Variants in NPEPPS observed in about 807,000 individuals in gnomAD.
The protein encoded by NPEPPS is puromycin-sensitive aminopeptidase.
A neutral mutation model predicts 115.5 loss-of-function variants in NPEPPS; 14 were observed. That is an observed-to-expected ratio of 0.12 (90% confidence interval 0.08 to 0.19). The LOEUF is 0.19. Among genes scored for constraint, NPEPPS ranks in the 10% least tolerant of loss-of-function variants. The probability of loss-of-function intolerance (pLI) is 1.00; values close to 1 mark genes in which losing one functional copy is unlikely to be tolerated. For missense variants in NPEPPS, 523 were observed against 1,110.8 expected (o/e 0.47, Z 7.52); for synonymous variants, 285 against 390.6 (o/e 0.73, Z 3.19).
intron 2 of NPEPPS, among the ~76,000 whole-genome samples, chr17:47,551,144 A>G (rs552976332): frequency 2.6e-5 from 4 of 152,184 alleles, no homozygotes; most frequent in Non-Finnish European, 5.9e-5. Flanking sequence ...CCTACATTAT[A>G]TGGTGGCTGC....
intron 10 of NPEPPS, among the ~76,000 whole-genome samples, chr17:47,591,359 A>G (rs1291200785): frequency 6.6e-6 from 1 of 152,186 alleles, no homozygotes; most frequent in Non-Finnish European, 1.5e-5. Context: ...CAACAAGAGC[A>G]AAAAACTCTG....
intron 22 of NPEPPS, chr17:47,620,275 A>G (rs1567875785): frequency 6.5e-6 from 1 of 153,558 alleles, no homozygotes; most frequent in Non-Finnish European, 1.4e-5. Flanking sequence ...TTTATAAACA[A>G]GGCAGTGCCT....
At chr17:47,607,214 G>T (rs148968234) in intron 17 of NPEPPS, among the ~76,000 whole-genome samples, 1 of 151,950 alleles carries the variant, frequency 6.6e-6, no homozygotes, top group Admixed American at 6.6e-5. Flanking sequence ...AAAGAAAGTC[G>T]TCAGATAATA....
chr17:47,615,706 A>C (rs1914160071), intron 19 of NPEPPS, among the ~76,000 whole-genome samples: 1 of 152,208 alleles, frequency 6.6e-6, no homozygotes, highest in Non-Finnish European at 1.5e-5. Context: ...TTCCATGATG[A>C]TATGGAAAAA....
At chr17:47,597,027 A>T (rs1223919187) in intron 13 of NPEPPS, among the ~76,000 whole-genome samples, 1 of 150,990 alleles carries the variant, frequency 6.6e-6, no homozygotes, top group Non-Finnish European at 1.5e-5. Context: ...CAGCTTGGGC[A>T]ACAGAGCGAG....
chr17:47,524,661 AT>A (rs56230488), intron 1 of NPEPPS, among the ~76,000 whole-genome samples: 129,663 of 135,502 alleles, frequency 0.96, 62,146 homozygotes, highest in Non-Finnish European at 0.99. Context: ...CGCCTGGCTA[AT>A]TTTTTTTTTT....
intron 1 of NPEPPS, 136 bp downstream of exon 1, chr17:47,531,691 G>C: frequency 3.3e-6 from 4 of 1,206,500 alleles, no homozygotes; most frequent in Non-Finnish European, 4.2e-6. Flanking sequence ...CGCCGGGTTC[G>C]GCGTGCTCTG....
chr17:47,610,209 T>G (rs1913760330), intron 17 of NPEPPS, among the ~76,000 whole-genome samples: 1 of 129,524 alleles, frequency 7.7e-6, no homozygotes, highest in Non-Finnish European at 1.6e-5. Flanking sequence ...CCACTGGCAG[T>G]CACTCTCCAT....
intron 22 of NPEPPS, 75 bp downstream of exon 22, chr17:47,619,859 T>C: frequency 1.8e-6 from 2 of 1,140,672 alleles, no homozygotes; most frequent in Non-Finnish European, 1.3e-6. Context: ...AATTATAGTG[T>C]TGGGATAATG....
Position 47,586,236 on chromosome 17 carries a change from T to A in NPEPPS, c.938T>A (p.Phe313Tyr), listed in dbSNP as rs1223777723. 1 of 1,198,860 alleles carries A rather than the reference T, an allele frequency of 8.3e-7. No individual in the cohort carries two copies. Among genetic ancestry groups the A allele is most frequent in the Admixed American group, 3.6e-5 (1 of 27,590 alleles). The allele number at this position is 1,198,860 out of a possible 1,614,324, so 74.3% of individuals were successfully genotyped here. A position where few individuals can be genotyped will look rare whatever the true frequency, so the allele number is the denominator to read the frequency against. The change falls in exon 7 of 23, where the codon TTT becomes TAT. Residue 313 changes from phenylalanine (F) to tyrosine (Y), a missense_variant. Transcript: ENST00000322157. ...ATTGATCTCATTGCTATTGCAGACT[T>A]TGCAGCTGGTAAAGTAAATTTCATT... ...PKIDLIAIAD[F>Y]AAGAMENWGL...
chr17:47,551,152 T>A (rs1263760364), intron 2 of NPEPPS, among the ~76,000 whole-genome samples: 3 of 152,200 alleles, frequency 2.0e-5, no homozygotes, highest in Non-Finnish European at 4.4e-5. Context: ...ATATGGTGGC[T>A]GCTTAATAAA....
chr17:47,550,601 GAT>G (rs1315568045), intron 2 of NPEPPS, among the ~76,000 whole-genome samples: 6 of 143,720 alleles, frequency 4.2e-5, no homozygotes, highest in Admixed American at 1.4e-4. Flanking sequence ...AGTTATACCA[GAT>G]ATATATATAT....
chr17:47,536,385 TCTC>T (rs1425636045), intron 1 of NPEPPS, among the ~76,000 whole-genome samples: 3 of 69,358 alleles, frequency 4.3e-5, no homozygotes, highest in Non-Finnish European at 7.3e-5. Flanking sequence ...GCATATTTTC[TCTC>T]TTTTTTTTTT....
chr17:47,526,309 T>A (rs1056701683), upstream of NPEPPS, among the ~76,000 whole-genome samples: 2 of 151,760 alleles, frequency 1.3e-5, no homozygotes, highest in African/African-American at 4.9e-5. Context: ...TGTGAACTGA[T>A]GGGAAAAGAG....
At chr17:47,596,324 A>G in intron 12 of NPEPPS, 29 bp from the exon 13 acceptor site, 1 of 1,336,060 alleles carries the variant, frequency 7.5e-7, no homozygotes, top group African/African-American at 1.5e-5. Flanking sequence ...AAATATAAAC[A>G]TTTTAGATTA....
chr17:47,560,291 G>C (rs1910345124), intron 2 of NPEPPS, among the ~76,000 whole-genome samples: 1 of 151,974 alleles, frequency 6.6e-6, no homozygotes, highest in Non-Finnish European at 1.5e-5. Context: ...GGAAATCCTG[G>C]TCCAGAATCC....
At chr17:47,560,423 T>A (rs1183060609) in intron 2 of NPEPPS, among the ~76,000 whole-genome samples, 1 of 152,222 alleles carries the variant, frequency 6.6e-6, no homozygotes, top group African/African-American at 2.4e-5. Context: ...TTTAGACTTT[T>A]TAGATAGCCT....
chr17:47,621,102 G>C (rs946653120), intron 22 of NPEPPS, among the ~76,000 whole-genome samples: 11 of 148,538 alleles, frequency 7.4e-5, no homozygotes, highest in African/African-American at 2.7e-4. Context: ...GTTTACTTGA[G>C]CCCAGAAGGT....
chr17:47,529,938 AT>A (rs1907612756), upstream of NPEPPS, among the ~76,000 whole-genome samples: 1 of 127,544 alleles, frequency 7.8e-6, no homozygotes, highest in African/African-American at 2.7e-5. Context: ...TTATTTATTT[AT>A]TTATTTATTT....
Sources: allele counts gnomAD v4.1 joint callset (sites outside exome capture counted in the v4.1 genomes callset), GRCh38; gene constraint gnomAD v4.1.1; transcripts MANE v1.5; gene names NCBI Gene and HGNC (gene_info 2026-07-23, HGNC 2026-07-21).